The following MSRA variants were observed in gnomAD, a reference collection of about 807,000 sequenced individuals.
MSRA encodes methionine sulfoxide reductase A, also known as mitochondrial peptide methionine sulfoxide reductase.
A neutral mutation model predicts 31.3 loss-of-function variants in MSRA; 54 were observed. The observed-to-expected ratio is 1.73, with a 90% CI of 1.39 to 2.17. MSRA has a LOEUF of 2.17. Ranked by LOEUF, MSRA falls within the 30% of genes most tolerant of loss-of-function variation. MSRA has a pLI of 0.00. For missense variants in MSRA, 507 were observed against 300.9 expected, an observed-to-expected ratio of 1.69 and a Z score of -5.07; for synonymous variants, 169 against 116.5, an observed-to-expected ratio of 1.45 and a Z score of -2.90.
chr8:10,306,031 G>T (rs1448586902), intron 4 of MSRA, among the ~76,000 whole-genome samples: 1 of 152,150 alleles, frequency 6.6e-6, no homozygotes, highest in Admixed American at 6.5e-5. Context: ...TTACTCATGG[G>T]ATGAAGATAG....
chr8:10,339,936 C>G (rs1404725427), intron 5 of MSRA, among the ~76,000 whole-genome samples: 2 of 152,170 alleles, frequency 1.3e-5, no homozygotes, highest in African/African-American at 2.4e-5. Context: ...GGCCCTACCC[C>G]ACCCAGGCCT....
intron 1 of MSRA, among the ~76,000 whole-genome samples, chr8:10,179,225 C>T (rs948137336): frequency 1.3e-5 from 2 of 152,140 alleles, no homozygotes; most frequent in East Asian, 3.9e-4. Context: ...TATTTTTTAA[C>T]ATATAGCAAA....
Position 10,256,014 on chromosome 8 carries a change from C to T in MSRA, c.331+10791C>T, listed in dbSNP as rs566546094. On this transcript the variant is annotated intron_variant, in intron 3 of 5. Transcript: ENST00000317173. Reference sequence around the variant, plus strand: ...ACACGTCCTCAGCAGCCATAGTTTGCGTTGAGTTCACTCTTGATGTTCTGA... The same window carrying T: ...ACACGTCCTCAGCAGCCATAGTTTGTGTTGAGTTCACTCTTGATGTTCTGA... 3.9e-5 allele frequency among the ~76,000 whole-genome samples: 6 copies of T among 152,114 alleles called. No individual in the cohort carries two copies. The South Asian group carries it at 1.2e-3, about 32-fold the overall frequency.
intron 3 of MSRA, among the ~76,000 whole-genome samples, chr8:10,285,454 C>T (rs1799882572): frequency 6.6e-6 from 1 of 152,108 alleles, no homozygotes; most frequent in Admixed American, 6.6e-5. Flanking sequence ...GAGTAATTAG[C>T]ATATCCATCA....
chr8:10,061,431 C>T (rs1441803783), intron 1 of MSRA, among the ~76,000 whole-genome samples: 3 of 152,140 alleles, frequency 2.0e-5, no homozygotes, highest in Non-Finnish European at 2.9e-5. Context: ...CCTAAGTGAT[C>T]TCCTTCTTCT....
At position 10,267,142 on chromosome 8, in the gene MSRA, A is replaced by T. The variant is rs117627230; in HGVS notation, c.331+21919A>T. ...ACCTTGTCAACAGCAGTGATTGCAC[A>T]TTGTTTACCCCACCCGCTCCCGGTT... On this transcript the variant is annotated intron_variant, in intron 3 of 5. Coordinates refer to ENST00000317173, the MANE Select transcript of MSRA (RefSeq NM_012331.5). Among the ~76,000 whole-genome samples, 718 of 152,328 alleles carry T rather than the reference A, an allele frequency of 4.7e-3. 2 individuals carry two copies. Among genetic ancestry groups the T allele is most frequent in the Non-Finnish European group, 7.8e-3 (534 of 68,032 alleles).
At chr8:10,357,919 A>G (rs1391233485) in intron 5 of MSRA, among the ~76,000 whole-genome samples, 2 of 152,158 alleles carry the variant, frequency 1.3e-5, no homozygotes, top group Non-Finnish European at 1.5e-5. Flanking sequence ...TTCCAAACCA[A>G]GAATCTTGGT....
intron 3 of MSRA, among the ~76,000 whole-genome samples, chr8:10,289,710 G>A (rs1563314405): frequency 6.6e-6 from 1 of 152,166 alleles, no homozygotes; most frequent in African/African-American, 2.4e-5. Flanking sequence ...TGCTCGTAGG[G>A]CCTCTCTAGT....
chr8:10,394,147 G>A (rs577534660), intron 5 of MSRA, among the ~76,000 whole-genome samples: 57 of 152,290 alleles, frequency 3.7e-4, no homozygotes, highest in African/African-American at 1.3e-3. Context: ...TCTCTTCGAC[G>A]TCCTCATTGT....
chr8:10,101,138 C>T (rs923984717), intron 1 of MSRA, among the ~76,000 whole-genome samples: 1 of 152,162 alleles, frequency 6.6e-6, no homozygotes, highest in African/African-American at 2.4e-5. Flanking sequence ...TCTCCCCAAA[C>T]TGAGTTTGAA....
At chr8:10,260,830 T>C (rs1343704201) in intron 3 of MSRA, among the ~76,000 whole-genome samples, 1 of 152,194 alleles carries the variant, frequency 6.6e-6, no homozygotes, top group Non-Finnish European at 1.5e-5. Context: ...TTTAATTATG[T>C]CACTTCTGAA....
At chr8:10,249,024 T>G (rs1466935633) in intron 3 of MSRA, among the ~76,000 whole-genome samples, 1 of 152,042 alleles carries the variant, frequency 6.6e-6, no homozygotes, top group African/African-American at 2.4e-5. Context: ...AGGTCCTCAG[T>G]AGGAGGTTGG....
intron 2 of MSRA, among the ~76,000 whole-genome samples, chr8:10,210,125 A>G (rs761620635): frequency 4.6e-5 from 7 of 152,084 alleles, no homozygotes; most frequent in South Asian, 2.1e-4. Context: ...TATCACTGCA[A>G]TGGAAAGGTC....
At chr8:10,111,108 G>A (rs150584146) in intron 1 of MSRA, among the ~76,000 whole-genome samples, 12 of 152,252 alleles carry the variant, frequency 7.9e-5, no homozygotes, top group African/African-American at 2.9e-4. Flanking sequence ...CTCCCAGTAG[G>A]ACAAAAGGGT....
At chr8:10,346,010 G>A (rs1225883612) in intron 5 of MSRA, among the ~76,000 whole-genome samples, 2 of 151,972 alleles carry the variant, frequency 1.3e-5, no homozygotes. Context: ...TACCTTCCTA[G>A]TGTTTTTGTT....
chr8:10,305,322 T>A (rs56654851), intron 4 of MSRA, among the ~76,000 whole-genome samples: 7 of 151,760 alleles, frequency 4.6e-5, no homozygotes, highest in Non-Finnish European at 1.0e-4. Context: ...ACATTCAGCA[T>A]GTTCTTTCCT....
intron 2 of MSRA, among the ~76,000 whole-genome samples, chr8:10,221,521 C>T (rs902741967): frequency 1.3e-5 from 2 of 151,996 alleles, no homozygotes; most frequent in Admixed American, 1.3e-4. Context: ...TCCCCAGGGT[C>T]AGGCTACTAG....
chr8:10,057,081 G>T (rs1381851071), intron 1 of MSRA, among the ~76,000 whole-genome samples: 1 of 152,200 alleles, frequency 6.6e-6, no homozygotes, highest in Non-Finnish European at 1.5e-5. Flanking sequence ...AAGAAGGAAA[G>T]AGTCAAACCT....
intron 5 of MSRA, among the ~76,000 whole-genome samples, chr8:10,394,779 A>C (rs551424671): frequency 1.9e-4 from 29 of 152,238 alleles, no homozygotes; most frequent in Non-Finnish European, 2.1e-4. Context: ...ACTAGGAGGC[A>C]CAAATGGGAA....
Sources: gnomAD v4.1 joint callset for allele counts (sites outside exome capture counted in the v4.1 genomes callset) on GRCh38, gnomAD v4.1.1 for gene constraint, MANE v1.5 for transcripts, NCBI Gene and HGNC (gene_info 2026-07-23, HGNC 2026-07-21) for gene names.